The following BNC2 variants were observed in gnomAD, a reference collection of about 807,000 sequenced individuals.
The protein encoded by BNC2 is zinc finger protein basonuclin-2.
A neutral mutation model predicts 76.3 loss-of-function variants in BNC2; 20 were observed. That is an observed-to-expected ratio of 0.26 (90% confidence interval 0.18 to 0.38). The LOEUF (loss-of-function observed/expected upper bound fraction) is 0.38, where lower values mean the gene tolerates loss of function less well. Ranked by LOEUF, BNC2 falls within the 10% of genes least tolerant of loss-of-function variation. BNC2 has a pLI of 1.00. For missense variants in BNC2, 1,382 were observed against 1,399.8 expected, an observed-to-expected ratio of 0.99 and a Z score of 0.20; for synonymous variants, 582 against 514.8, an observed-to-expected ratio of 1.13 and a Z score of -1.77.
chr9:16,558,926 TC>T (rs916899156), intron 4 of BNC2, among the ~76,000 whole-genome samples: 1 of 133,258 alleles, frequency 7.5e-6, no homozygotes, highest in African/African-American at 3.1e-5. Context: ...AGAGCAAGAC[TC>T]CGTCTCAAAA....
intron 3 of BNC2, among the ~76,000 whole-genome samples, chr9:16,594,073 G>C (rs1026851875): frequency 6.6e-6 from 1 of 152,060 alleles, no homozygotes; most frequent in Non-Finnish European, 1.5e-5. Flanking sequence ...TAATATGATA[G>C]AGAAGACATT....
intron 3 of BNC2, among the ~76,000 whole-genome samples, chr9:16,639,714 T>A (rs1821433374): frequency 6.6e-6 from 1 of 152,104 alleles, no homozygotes; most frequent in African/African-American, 2.4e-5. Flanking sequence ...CCCAAGAGTT[T>A]CAGACCAGCC....
chr9:16,506,513 CTTTTT>C (rs568955982), intron 5 of BNC2, among the ~76,000 whole-genome samples: 8 of 43,340 alleles, frequency 1.8e-4, no homozygotes, highest in South Asian at 8.2e-4. Flanking sequence ...TCTCTCTCCT[CTTTTT>C]TTTTTTTTTT....
rs184253818 is a variant in BNC2 at position 16,477,326 on chromosome 9, T to C, written c.670-39802A>G. The stretch of plus-strand genomic sequence containing the variant: ...CTCTTTGATTACCTTTAGGGTCTAG[T>C]ATTGGCTTTTAAAGAAAATCTTTCC... On this transcript the variant is annotated intron_variant, in intron 5 of 6. Transcript: ENST00000380672. Among the ~76,000 whole-genome samples, 623 of 152,174 alleles carry C rather than the reference T, an allele frequency of 4.1e-3. 1 individual carries two copies. The highest frequency in any genetic ancestry group is 0.012 in the African/African-American group (519 of 41,522).
At chr9:16,858,010 T>C (rs1342187760) in intron 1 of BNC2, among the ~76,000 whole-genome samples, 1 of 152,232 alleles carries the variant, frequency 6.6e-6, no homozygotes, top group Non-Finnish European at 1.5e-5. Context: ...AAGCTCATGT[T>C]TCCAAATATG....
In BNC2 at chr9:16,699,583, T is replaced by A. The variant is rs146514417; in HGVS notation, c.330+28214A>T. Among the ~76,000 whole-genome samples, 5 of 152,342 alleles carry A rather than the reference T, an allele frequency of 3.3e-5. No homozygotes were observed. The East Asian group carries it at 7.7e-4, about 23-fold the overall frequency. On this transcript the variant is annotated intron_variant, in intron 3 of 6. Transcript: ENST00000380672. ...ATAAAGAACACTGTGGCACTGTTGA[T>A]AAACAGATACCAAGTGCAAACTGCA...
rs72717029 is a variant in BNC2 at position 16,489,373 on chromosome 9, T to C, written c.670-51849A>G. On this transcript the variant is annotated intron_variant, in intron 5 of 6. Coordinates refer to ENST00000380672, the MANE Select transcript of BNC2 (RefSeq NM_017637.6). ...CTAGTGGCTACTGTGCTAGACAGCA[T>C]AGGTTTATAGTTTATTATCTAATTT... 1.4e-3 allele frequency among the ~76,000 whole-genome samples: 207 copies of C among 152,322 alleles called. 4 individuals carry two copies. In the East Asian group the frequency reaches 0.024, roughly 18 times the overall value.
At chr9:16,865,480 T>C (rs1819522211) in intron 1 of BNC2, among the ~76,000 whole-genome samples, 2 of 152,304 alleles carry the variant, frequency 1.3e-5, no homozygotes, top group South Asian at 4.1e-4. Flanking sequence ...CCAGGCAAAC[T>C]TTTTGTAATT....
At chr9:16,645,927 A>T (rs558057076) in intron 3 of BNC2, among the ~76,000 whole-genome samples, 1 of 152,228 alleles carries the variant, frequency 6.6e-6, no homozygotes, top group East Asian at 1.9e-4. Flanking sequence ...TACAGAGAAA[A>T]ACACTGAGGG....
chr9:16,684,302 C>A (rs1822912373), intron 3 of BNC2, among the ~76,000 whole-genome samples: 2 of 152,206 alleles, frequency 1.3e-5, no homozygotes. Context: ...GCATGTCACA[C>A]ACAAGCTGTT....
At chr9:16,562,714 A>G (rs1012939061) in intron 4 of BNC2, among the ~76,000 whole-genome samples, 3 of 152,196 alleles carry the variant, frequency 2.0e-5, no homozygotes, top group Non-Finnish European at 4.4e-5. Flanking sequence ...GATACCTAGC[A>G]AAATTGATAA....
intron 1 of BNC2, among the ~76,000 whole-genome samples, chr9:16,753,457 T>C (rs6475074): frequency 0.86 from 131,083 of 152,226 alleles, 56,822 homozygotes; most frequent in Non-Finnish European, 0.91. Flanking sequence ...ACAAAACTTA[T>C]CATGCCAACA....
At chr9:16,772,057 T>C (rs1825847004) in intron 1 of BNC2, among the ~76,000 whole-genome samples, 1 of 152,222 alleles carries the variant, frequency 6.6e-6, no homozygotes, top group Non-Finnish European at 1.5e-5. Context: ...AAACAAATGA[T>C]AGTATTCAAA....
rs1435660058 is a variant in BNC2, at chr9:16,415,910, G to A, written c.*3079C>T. The A allele has an allele frequency of 6.6e-6, 1 of 152,174 alleles. No individual in the cohort carries two copies. The highest frequency in any genetic ancestry group is 2.1e-4 in the South Asian group (1 of 4,826). The allele number at this position is 152,174 out of a possible 1,614,324, so 9.4% of individuals were successfully genotyped here. On this transcript the variant is annotated 3_prime_UTR_variant, in exon 7 of 7. Transcript: ENST00000380672. ...GGGAGATACTTAAAAAGTGTCAGCT[G>A]TCCAGGACTTATTGCCACTTCTCTG... is the stretch of plus-strand genomic sequence containing the variant.
At chr9:16,844,361 A>T (rs549445727) in intron 1 of BNC2, among the ~76,000 whole-genome samples, 1 of 152,238 alleles carries the variant, frequency 6.6e-6, no homozygotes, top group African/African-American at 2.4e-5. Flanking sequence ...AAAAACGTTA[A>T]GAAGTAGAAT....
chr9:16,482,740 A>C (rs924708450), intron 5 of BNC2, among the ~76,000 whole-genome samples: 3 of 152,240 alleles, frequency 2.0e-5, no homozygotes, highest in Non-Finnish European at 4.4e-5. Context: ...ATTTAAATGA[A>C]TAAACTCAGA....
At chr9:16,483,500 G>T (rs1176852339) in intron 5 of BNC2, among the ~76,000 whole-genome samples, 1 of 152,084 alleles carries the variant, frequency 6.6e-6, no homozygotes, top group Non-Finnish European at 1.5e-5. Flanking sequence ...AACTTATTTA[G>T]CAATAATTAG....
chr9:16,790,806 C>T (rs1258237302), intron 1 of BNC2, among the ~76,000 whole-genome samples: 2 of 141,414 alleles, frequency 1.4e-5, no homozygotes, highest in Non-Finnish European at 3.0e-5. Flanking sequence ...AGTTGACATT[C>T]CCTTGGTAAG....
chr9:16,618,686 A>G (rs535838574), intron 3 of BNC2, among the ~76,000 whole-genome samples: 5 of 152,320 alleles, frequency 3.3e-5, no homozygotes, highest in African/African-American at 1.2e-4. Flanking sequence ...ACAGATACTC[A>G]TCCTTTCCAC....
Sources: gnomAD v4.1 joint callset for allele counts (sites outside exome capture counted in the v4.1 genomes callset) on GRCh38, gnomAD v4.1.1 for gene constraint, MANE v1.5 for transcripts, NCBI Gene and HGNC (gene_info 2026-07-23, HGNC 2026-07-21) for gene names.